Variants in PLCL1 observed in about 807,000 individuals in gnomAD.
The protein encoded by PLCL1 is phospholipase C like 1 (inactive), also known as inactive phospholipase C-like protein 1.
PLCL1 carries 41 observed loss-of-function variants against 84.4 expected under a neutral mutation model. The observed-to-expected ratio is 0.49, with a 90% CI of 0.38 to 0.63. The LOEUF is 0.63. Among genes scored for constraint, PLCL1 ranks in the 30% least tolerant of loss-of-function variants. The pLI is 0.00. For synonymous variants in PLCL1, 490 were observed against 488.3 expected, an observed-to-expected ratio of 1.00 and a Z score of -0.05; for missense variants, 1,206 against 1,367.8, an observed-to-expected ratio of 0.88 and a Z score of 1.87.
intron 1 of PLCL1, among the ~76,000 whole-genome samples, chr2:197,919,402 T>C (rs1688663379): frequency 6.6e-6 from 1 of 152,206 alleles, no homozygotes; most frequent in Admixed American, 6.5e-5. Context: ...TACCCACATG[T>C]CGTTTACTAT....
intron 1 of PLCL1, among the ~76,000 whole-genome samples, chr2:197,869,107 C>T (rs969268043): frequency 3.3e-5 from 5 of 152,082 alleles, no homozygotes; most frequent in Non-Finnish European, 7.4e-5. Context: ...GTGAGACAGA[C>T]ATTATTATTG....
rs562795783 is a variant in PLCL1 at position 197,886,304 on chromosome 2, C to G, written c.240+80965C>G. 2.0e-5 allele frequency among the ~76,000 whole-genome samples: 3 copies of G among 150,970 alleles called. No homozygotes were observed. The East Asian group carries it at 5.9e-4, about 30-fold the overall frequency. ...GTACGTGCCTGTAGTCCCAGTTACT[C>G]AGGAGGCTGAGGCAGGAGAATTGCT... On this transcript the variant is annotated intron_variant, in intron 1 of 5. Coordinates refer to ENST00000428675, the MANE Select transcript of PLCL1 (RefSeq NM_006226.4).
intron 1 of PLCL1, among the ~76,000 whole-genome samples, chr2:197,809,809 AGTGT>A (rs3056067): frequency 0.025 from 3,653 of 146,116 alleles, 121 homozygotes; most frequent in African/African-American, 0.077. Flanking sequence ...GAGCTCTGAA[AGTGT>A]GTGTGTGTGT....
chr2:198,055,211 T>C (rs1001262847), intron 1 of PLCL1, among the ~76,000 whole-genome samples: 1 of 151,330 alleles, frequency 6.6e-6, no homozygotes, highest in Non-Finnish European at 1.5e-5. Context: ...TTGTAGGAAC[T>C]TGGGGCTGAA....
intron 1 of PLCL1, among the ~76,000 whole-genome samples, chr2:198,005,134 C>A (rs1446831183): frequency 6.6e-6 from 1 of 152,234 alleles, no homozygotes; most frequent in African/African-American, 2.4e-5. Flanking sequence ...TCCACCCTCG[C>A]TCCCTCACTT....
chr2:197,917,949 A>G (rs996805241), intron 1 of PLCL1, among the ~76,000 whole-genome samples: 3 of 152,150 alleles, frequency 2.0e-5, no homozygotes, highest in Admixed American at 6.5e-5. Flanking sequence ...CCCCACCGCC[A>G]CCCCAAATAA....
At chr2:197,927,722 C>A (rs1688859161) in intron 1 of PLCL1, among the ~76,000 whole-genome samples, 1 of 152,146 alleles carries the variant, frequency 6.6e-6, no homozygotes, top group African/African-American at 2.4e-5. Flanking sequence ...AGACACCTTC[C>A]TTCATGGGTC....
intron 1 of PLCL1, among the ~76,000 whole-genome samples, chr2:197,866,108 CTATA>C (rs1257882180): frequency 6.7e-5 from 1 of 14,966 alleles, no homozygotes; most frequent in Admixed American, 8.4e-4. Flanking sequence ...TATATATAAA[CTATA>C]TATATATATA....
intron 1 of PLCL1, among the ~76,000 whole-genome samples, chr2:197,998,055 G>A (rs966115243): frequency 1.3e-5 from 2 of 152,060 alleles, no homozygotes; most frequent in Non-Finnish European, 2.9e-5. Flanking sequence ...GGGCTTAGTG[G>A]GTGGGAGTGG....
intron 4 of PLCL1, among the ~76,000 whole-genome samples, chr2:198,102,406 C>T (rs1693369168): frequency 6.6e-6 from 1 of 152,048 alleles, no homozygotes; most frequent in Middle Eastern, 3.2e-3. Context: ...CTGGGCTCCA[C>T]ACTCATGTTC....
intron 1 of PLCL1, among the ~76,000 whole-genome samples, chr2:197,835,764 A>T (rs1691174199): frequency 6.6e-6 from 1 of 152,252 alleles, no homozygotes; most frequent in Admixed American, 6.5e-5. Flanking sequence ...CATAATAGGC[A>T]TTTAATAAAT....
rs146839694 is a variant in PLCL1, at chr2:197,950,991, T to C, written c.241-132767T>C. ...AGCATGGTTGTGAAATATTGTATTG[T>C]GTTCCCTTCTGTAGAAGTTGCTACT... On this transcript the variant is annotated intron_variant, in intron 1 of 5. Transcript: ENST00000428675. Among the ~76,000 whole-genome samples the C allele has an allele frequency of 2.2e-3, 337 of 152,214 alleles. 2 individuals carry two copies. The highest frequency in any genetic ancestry group is 0.01 in the Middle Eastern group (3 of 294).
At chr2:198,071,045 C>G (rs1692451119) in intron 1 of PLCL1, 2 of 881,176 alleles carry the variant, frequency 2.3e-6, no homozygotes, top group Non-Finnish European at 2.7e-6. Context: ...GGTAAGCTCT[C>G]AAGCTCTCAT....
At chr2:197,844,573 A>T (rs1222081605) in intron 1 of PLCL1, among the ~76,000 whole-genome samples, 1 of 152,102 alleles carries the variant, frequency 6.6e-6, no homozygotes, top group Non-Finnish European at 1.5e-5. Context: ...AATGTCTAAG[A>T]TTATAAGGAT....
chr2:197,930,844 A>G (rs562960620), intron 1 of PLCL1, among the ~76,000 whole-genome samples: 1 of 152,336 alleles, frequency 6.6e-6, no homozygotes, highest in East Asian at 1.9e-4. Flanking sequence ...CAGCACTGTC[A>G]AAGTTCTTTT....
chr2:197,846,638 G>A (rs1446381847), intron 1 of PLCL1, among the ~76,000 whole-genome samples: 1 of 152,060 alleles, frequency 6.6e-6, no homozygotes, highest in Admixed American at 6.6e-5. Context: ...ATATGGTAAG[G>A]AATAAAGAAC....
chr2:198,027,629 A>G (rs999102694), intron 1 of PLCL1, among the ~76,000 whole-genome samples: 1 of 152,134 alleles, frequency 6.6e-6, no homozygotes, highest in Non-Finnish European at 1.5e-5. Flanking sequence ...AATTTTTGTC[A>G]CTTGAAAAAA....
At chr2:198,078,780 C>T (rs1371742640) in intron 1 of PLCL1, among the ~76,000 whole-genome samples, 1 of 152,072 alleles carries the variant, frequency 6.6e-6, no homozygotes, top group Non-Finnish European at 1.5e-5. Context: ...TAAATATGCT[C>T]ATGAGGTCAA....
chr2:197,805,133 G>A lies in PLCL1; in HGVS notation c.34G>A (p.Ala12Thr), dbSNP rs1352718960. ...GGGCGCGGCCGGCAGGGAGGATCCG[G>A]CGCCGCCCGACGCGGCGGGGGGCGA... ...AEGAAGREDPAPPDAAGGEDD... is the reference protein window; with the variant it reads ...AEGAAGREDPTPPDAAGGEDD... The change falls in exon 1 of 6, where the codon GCG becomes ACG. Residue 12 changes from alanine to threonine, a missense_variant. Ala to Thr is a moderately conservative substitution (Grantham distance 58). Transcript: ENST00000428675. The surrounding 1 kb of genome is among the most constrained non-coding windows in gnomAD (Gnocchi z 4.0). 1 of 1,313,962 alleles carries A rather than the reference G, an allele frequency of 7.6e-7. No homozygotes were observed. The highest frequency in any genetic ancestry group is 9.6e-7 in the Non-Finnish European group (1 of 1,036,428). 81.4% of individuals were successfully genotyped at this position (1,313,962 alleles called of 1,614,324 possible). A position where few individuals can be genotyped will look rare whatever the true frequency, so the allele number is the denominator to read the frequency against.
Sources: gnomAD v4.1 joint callset for allele counts (sites outside exome capture counted in the v4.1 genomes callset) on GRCh38, gnomAD v4.1.1 for gene constraint, Gnocchi (gnomAD v3.1) non-coding constraint, MANE v1.5 for transcripts, NCBI Gene and HGNC (gene_info 2026-07-23, HGNC 2026-07-21) for gene names.